The following ZBTB16 variants were observed in gnomAD, a reference collection of about 807,000 sequenced individuals.
ZBTB16 encodes the protein zinc finger and BTB domain containing 16.
Under a neutral mutation model 56.8 loss-of-function variants are expected in ZBTB16, and 8 were observed. The ratio of observed to expected loss-of-function variants is 0.14; its 90% confidence interval spans 0.08 to 0.25. The LOEUF (loss-of-function observed/expected upper bound fraction) is 0.25. Among genes scored for constraint, ZBTB16 ranks in the 10% least tolerant of loss-of-function variants. The pLI is 1.00. For synonymous variants in ZBTB16, 363 were observed against 368.5 expected (o/e 0.98, Z 0.17); for missense variants, 625 against 903.0 (o/e 0.69, Z 3.95).
At chr11:114,238,187 C>A (rs1944632397) in intron 4 of ZBTB16, among the ~76,000 whole-genome samples, 1 of 152,224 alleles carries the variant, frequency 6.6e-6, no homozygotes, top group Admixed American at 6.5e-5. Context: ...TGGTCCCTAC[C>A]CTCCTCCAGT....
At chr11:114,134,221 C>T (rs529983070) in intron 2 of ZBTB16, among the ~76,000 whole-genome samples, 29 of 152,236 alleles carry the variant, frequency 1.9e-4, no homozygotes, top group East Asian at 5.8e-4. Flanking sequence ...TTTGTCTTGG[C>T]GCCAAAGTAG....
intron 5 of ZBTB16, among the ~76,000 whole-genome samples, chr11:114,245,411 A>G (rs749773285): frequency 6.6e-6 from 1 of 152,192 alleles, no homozygotes; most frequent in Non-Finnish European, 1.5e-5. Flanking sequence ...CTCTCATGGC[A>G]TGGGTGCTTC....
intron 4 of ZBTB16, among the ~76,000 whole-genome samples, chr11:114,206,141 A>G (rs750032097): frequency 9.5e-4 from 144 of 152,194 alleles, no homozygotes; most frequent in Non-Finnish European, 1.8e-3. Flanking sequence ...CATATCGCCA[A>G]CCTTTCAAAA....
At chr11:114,102,961 G>A (rs1940666321) in intron 2 of ZBTB16, among the ~76,000 whole-genome samples, 2 of 152,142 alleles carry the variant, frequency 1.3e-5, no homozygotes, top group African/African-American at 2.4e-5. Context: ...AGTCAAATGT[G>A]GGTACCCTTC....
At chr11:114,215,515 A>G (rs1944078152) in intron 4 of ZBTB16, among the ~76,000 whole-genome samples, 1 of 152,236 alleles carries the variant, frequency 6.6e-6, no homozygotes, top group Non-Finnish European at 1.5e-5. Flanking sequence ...GCTTCTACCT[A>G]GAAGTTGCCT....
intron 3 of ZBTB16, chr11:114,181,011 C>T (rs1209178104): frequency 6.6e-6 from 1 of 152,262 alleles, no homozygotes; most frequent in Non-Finnish European, 1.5e-5. Context: ...CTCAACAAAA[C>T]AATCACTCAT....
intron 2 of ZBTB16, among the ~76,000 whole-genome samples, chr11:114,095,260 T>C (rs112669319): frequency 1.5e-4 from 16 of 106,922 alleles, no homozygotes; most frequent in Admixed American, 4.1e-4. Flanking sequence ...TTTTTTTTTT[T>C]TTTTTTTTTT....
intron 3 of ZBTB16, among the ~76,000 whole-genome samples, chr11:114,158,471 C>T (rs577696037): frequency 2.0e-5 from 3 of 152,326 alleles, no homozygotes; most frequent in Non-Finnish European, 2.9e-5. Context: ...GATGCCATCC[C>T]CAGCTGTTCC....
Position 114,254,300 on chromosome 11 carries a change from G to T in ZBTB16, c.*3745G>T, listed in dbSNP as rs113274835. ...AGGCAGATCTGGGGTGCAGGGGTAG[G>T]TAGGGAGGCTGGGGGACCCAGTGAT... On this transcript the variant is annotated 3_prime_UTR_variant, in exon 7 of 7. Coordinates refer to ENST00000335953, the MANE Select transcript of ZBTB16 (RefSeq NM_006006.6). Among the ~76,000 whole-genome samples the T allele has an allele frequency of 1.9e-3, 288 of 152,242 alleles. 3 individuals carry two copies. Among genetic ancestry groups the T allele is most frequent in the African/African-American group, 6.7e-3 (280 of 41,532 alleles).
At position 114,082,951 on chromosome 11, in the gene ZBTB16, G is replaced by A. The variant is rs376747443; in HGVS notation, c.1268+18383G>A. Among the ~76,000 whole-genome samples the A allele has an allele frequency of 5.9e-5, 9 of 152,330 alleles. No homozygotes were observed. In the East Asian group the frequency reaches 9.7e-4, roughly 16 times the overall value. On this transcript the variant is annotated intron_variant, in intron 2 of 6. Transcript: ENST00000335953. ...GGCTGTGGTCGTAGCACTACGCAAT[G>A]TCTGCAAACCGACAGTGGCATGGGG...
At position 114,127,618 on chromosome 11, in the gene ZBTB16, G is replaced by A. The variant is rs915367784; in HGVS notation, c.1269-28719G>A. ...GGTAGGAGGCAGTGCCTGATTTTGA[G>A]CTCTTGACTAGGAATTGCGTCAATA... On this transcript the variant is annotated intron_variant, in intron 2 of 6. Coordinates refer to ENST00000335953, the MANE Select transcript of ZBTB16 (RefSeq NM_006006.6). Among the ~76,000 whole-genome samples the A allele has an allele frequency of 3.3e-5, 5 of 152,294 alleles. No homozygotes were observed. The East Asian group carries it at 9.7e-4, about 29-fold the overall frequency.
At position 114,064,394 on chromosome 11, in the gene ZBTB16, C is replaced by T; in HGVS notation, c.1094C>T (p.Ser365Phe). 2 of 1,614,108 alleles carry T rather than the reference C, an allele frequency of 1.2e-6. No individual in the cohort carries two copies. Among genetic ancestry groups the T allele is most frequent in the Non-Finnish European group, 8.5e-7 (1 of 1,180,020 alleles). ...CACGTGCAGCCTGCCCTGGCTGTCT[C>T]CATGGACTTCAGCACCTATGGGGGG... ...GLHVQPALAVSMDFSTYGGLL... is the reference protein window; with the variant it reads ...GLHVQPALAVFMDFSTYGGLL... Residue 365 changes from serine (S) to phenylalanine (F), a missense_variant, in exon 2 of 7, where the codon TCC (serine) becomes TTC (phenylalanine). This residue lies in a region of ZBTB16 where 384 missense variants were observed against 393.5 expected (regional missense o/e 0.98). Transcript: ENST00000335953. This position sits in a 1 kb window ranked among gnomAD's most constrained non-coding sequence, Gnocchi z 4.2.
intron 4 of ZBTB16, among the ~76,000 whole-genome samples, chr11:114,230,977 A>G (rs1245579287): frequency 6.6e-6 from 1 of 152,078 alleles, no homozygotes; most frequent in Non-Finnish European, 1.5e-5. Context: ...ATTTTACATG[A>G]GAGCCTAGCT....
At chr11:114,110,321 A>G (rs2137777186) in intron 2 of ZBTB16, among the ~76,000 whole-genome samples, 1 of 152,314 alleles carries the variant, frequency 6.6e-6, no homozygotes, top group African/African-American at 2.4e-5. Context: ...CCAAGGCAGC[A>G]ATCTGGGGTC....
At chr11:114,221,741 C>A (rs1944235360) in intron 4 of ZBTB16, among the ~76,000 whole-genome samples, 1 of 152,128 alleles carries the variant, frequency 6.6e-6, no homozygotes. Context: ...ATTTCCAAGG[C>A]CTGTCAGAGG....
chr11:114,233,086 C>CGT (rs1944486091), intron 4 of ZBTB16, among the ~76,000 whole-genome samples: 6 of 48,610 alleles, frequency 1.2e-4, no homozygotes, highest in African/African-American at 4.4e-4. Context: ...CGCGCGCACA[C>CGT]ACACACACAC....
chr11:114,181,955 C>T (rs1234561958), intron 3 of ZBTB16, among the ~76,000 whole-genome samples: 1 of 152,194 alleles, frequency 6.6e-6, no homozygotes, highest in African/African-American at 2.4e-5. Flanking sequence ...TTGCTCTATG[C>T]AGATGTCAGT....
chr11:114,213,632 C>T (rs557225377), intron 4 of ZBTB16, among the ~76,000 whole-genome samples: 16 of 152,328 alleles, frequency 1.1e-4, no homozygotes, highest in African/African-American at 3.8e-4. Context: ...ATTAACTTTC[C>T]AAGATGAACA....
At chr11:114,091,101 C>A (rs977264647) in intron 2 of ZBTB16, among the ~76,000 whole-genome samples, 11 of 152,228 alleles carry the variant, frequency 7.2e-5, no homozygotes, top group Admixed American at 5.9e-4. Flanking sequence ...CGGTGGGAGG[C>A]ACTTCGGGAG....
Sources: gnomAD v4.1 joint callset for allele counts (sites outside exome capture counted in the v4.1 genomes callset) on GRCh38, gnomAD v4.1.1 for gene constraint, gnomAD v4.1.1 regional missense constraint, Gnocchi (gnomAD v3.1) non-coding constraint, MANE v1.5 for transcripts, NCBI Gene and HGNC (gene_info 2026-07-23, HGNC 2026-07-21) for gene names.